Variants in CDK15 observed in about 807,000 individuals in gnomAD.
The protein encoded by CDK15 is cyclin dependent kinase 15.
CDK15 carries 62 observed loss-of-function variants against 60.3 expected under a neutral mutation model. That is an observed-to-expected ratio of 1.03 (90% CI 0.84 to 1.27). CDK15 has a LOEUF of 1.27. CDK15 is among the 50% of genes most tolerant of loss of function. The pLI is 0.00. For synonymous variants in CDK15, 194 were observed against 195.7 expected, an observed-to-expected ratio of 0.99 and a Z score of 0.07; for missense variants, 541 against 527.8, an observed-to-expected ratio of 1.03 and a Z score of -0.25.
intron 8 of CDK15, among the ~76,000 whole-genome samples, chr2:201,841,542 G>C (rs895463744): frequency 6.6e-6 from 1 of 152,144 alleles, no homozygotes; most frequent in Non-Finnish European, 1.5e-5. Flanking sequence ...AGTGAGAAGG[G>C]AGAAGATTTC....
chr2:201,876,403 G>T (rs1216513824), intron 11 of CDK15: 1 of 387,920 alleles, frequency 2.6e-6, no homozygotes, highest in African/African-American at 2.1e-5. Context: ...GCGATTACTG[G>T]GGCACTTGCC....
chr2:201,806,511 G>A (rs1480642849), upstream of CDK15: 1 of 798,868 alleles, frequency 1.3e-6, no homozygotes, highest in South Asian at 3.0e-5. Flanking sequence ...AGGAAAAACT[G>A]CTGAAGTTGT....
intron 8 of CDK15, among the ~76,000 whole-genome samples, chr2:201,836,768 C>T (rs1460352490): frequency 6.6e-6 from 1 of 150,408 alleles, no homozygotes; most frequent in African/African-American, 2.5e-5. Flanking sequence ...CATACTCACA[C>T]ATGTCCAAAC....
rs1272208057 is a variant in CDK15 at position 201,882,933 on chromosome 2, T to G, written c.1198+2766T>G. Among the ~76,000 whole-genome samples the G allele has an allele frequency of 6.6e-6, 1 of 152,162 alleles. No individual in the cohort carries two copies. Among genetic ancestry groups the G allele is most frequent in the African/African-American group, 2.4e-5 (1 of 41,434 alleles). Reference sequence around the variant, plus strand: ...TTTTCATTGCCCCTGGCAATGAGCCTTTATTAACAGCCTCCTTTGCAGACA... The same window carrying G: ...TTTTCATTGCCCCTGGCAATGAGCCGTTATTAACAGCCTCCTTTGCAGACA... On this transcript the variant is annotated intron_variant, in intron 12 of 13. Coordinates refer to ENST00000652192, the MANE Select transcript of CDK15 (RefSeq NM_001366386.2). The surrounding 1 kb of genome is among the most constrained non-coding windows in gnomAD (Gnocchi z 4.0).
intron 7 of CDK15, 141 bp from the exon 8 acceptor site, chr2:201,835,502 A>G: frequency 1.1e-6 from 1 of 935,370 alleles, no homozygotes; most frequent in East Asian, 3.0e-5. Flanking sequence ...GATAGACAAG[A>G]GTCAAGATAG....
intron 11 of CDK15, among the ~76,000 whole-genome samples, chr2:201,872,627 C>G (rs1698897585): frequency 6.6e-6 from 1 of 151,896 alleles, no homozygotes; most frequent in South Asian, 2.1e-4. Context: ...TTATTATTCT[C>G]TGACACAGAG....
intron 1 of CDK15, among the ~76,000 whole-genome samples, chr2:201,807,010 T>G (rs1017583694): frequency 7.2e-5 from 11 of 152,188 alleles, no homozygotes; most frequent in African/African-American, 2.4e-4. Context: ...TGCACGAAAC[T>G]CACTTGGCTT....
At chr2:201,869,099 A>G (rs1052412937) in intron 10 of CDK15, among the ~76,000 whole-genome samples, 3 of 152,238 alleles carry the variant, frequency 2.0e-5, no homozygotes, top group Non-Finnish European at 4.4e-5. Context: ...TTGTGACACT[A>G]TTCACAATAG....
rs542392513 is a variant in CDK15 at position 201,823,625 on chromosome 2, C to A, written c.544-40C>A. The A allele has an allele frequency of 5.2e-5, 81 of 1,572,410 alleles. No homozygotes were observed. The South Asian group carries it at 8.5e-4, about 17-fold the overall frequency. ...GCTTTAGGATGCTATCTAAGCACCA[C>A]TAAATTCACTCACTTCTCTTTCTCC... On this transcript the variant is annotated intron_variant, in intron 5 of 13. Transcript: ENST00000652192.
chr2:201,833,799 A>G, intron 6 of CDK15, 49 bp from the exon 7 acceptor site: 1 of 1,580,920 alleles, frequency 6.3e-7, no homozygotes, highest in Admixed American at 1.7e-5. Flanking sequence ...AGGCGAAATC[A>G]GCACGTGGTG....
At chr2:201,864,591 T>G (rs981089209) in intron 10 of CDK15, among the ~76,000 whole-genome samples, 4 of 152,180 alleles carry the variant, frequency 2.6e-5, no homozygotes, top group Non-Finnish European at 5.9e-5. Flanking sequence ...AGTGCTGGGA[T>G]TACAGGCATA....
intron 9 of CDK15, 120 bp from the exon 10 acceptor site, chr2:201,854,754 T>G: frequency 1.3e-6 from 1 of 765,378 alleles, no homozygotes; most frequent in Non-Finnish European, 2.2e-6. Context: ...TGTCATGCAA[T>G]GGGACATACA....
chr2:201,806,570 G>A lies in CDK15; in HGVS notation c.-95G>A, dbSNP rs769439122. 7.7e-5 allele frequency: 106 copies of A among 1,375,692 alleles called. 1 individual carries two copies. The highest frequency in any genetic ancestry group is 9.7e-5 in the Non-Finnish European group (101 of 1,044,580). 85.2% of individuals were successfully genotyped at this position (1,375,692 alleles called of 1,614,324 possible). On this transcript the variant is annotated 5_prime_UTR_variant, in exon 1 of 14. Transcript: ENST00000652192. Reference sequence around the variant, plus strand: ...CATGTGAGTCATATGAAAGCTCCACGCTGCTGACCTCTGGCAAAAAGGGAG... The same window carrying A: ...CATGTGAGTCATATGAAAGCTCCACACTGCTGACCTCTGGCAAAAAGGGAG...
chr2:201,847,514 A>C (rs1322209780), intron 9 of CDK15, 40 bp downstream of exon 9: 9 of 1,581,840 alleles, frequency 5.7e-6, no homozygotes, highest in Non-Finnish European at 7.8e-6. Flanking sequence ...AAATATCTGC[A>C]TTTTAAGTTT....
intron 12 of CDK15, chr2:201,888,372 T>C: frequency 6.7e-7 from 1 of 1,493,694 alleles, no homozygotes; most frequent in Non-Finnish European, 8.8e-7. Context: ...AAGTTTTAAA[T>C]AAACTTGTCC....
chr2:201,807,174 A>G (rs1011424739), intron 1 of CDK15, among the ~76,000 whole-genome samples: 1 of 152,180 alleles, frequency 6.6e-6, no homozygotes, highest in African/African-American at 2.4e-5. Flanking sequence ...TTATTCCCCT[A>G]CAGCAATAAA....
In CDK15 at chr2:201,881,493, G is replaced by A. The variant is rs191240675; in HGVS notation, c.1198+1326G>A. Among the ~76,000 whole-genome samples, 282 of 152,284 alleles carry A rather than the reference G, an allele frequency of 1.9e-3. 1 individual carries two copies. The highest frequency in any genetic ancestry group is 6.3e-3 in the African/African-American group (261 of 41,554). ...AAGAGGGTGAGGAAGAGGAAACGGG[G>A]CACCCTCGCACACATATCAGCACAC... On this transcript the variant is annotated intron_variant, in intron 12 of 13. Transcript: ENST00000652192.
intron 4 of CDK15, among the ~76,000 whole-genome samples, chr2:201,819,708 G>A (rs1696139042): frequency 6.6e-6 from 1 of 152,192 alleles, no homozygotes; most frequent in Admixed American, 6.5e-5. Flanking sequence ...GGAAGGTAAT[G>A]CCAATAGATT....
intron 8 of CDK15, among the ~76,000 whole-genome samples, chr2:201,840,686 T>G (rs1309569335): frequency 6.6e-6 from 1 of 152,248 alleles, no homozygotes; most frequent in Non-Finnish European, 1.5e-5. Context: ...AGTTATTTTC[T>G]CTCAGAACTT....
Sources: allele counts gnomAD v4.1 joint callset (sites outside exome capture counted in the v4.1 genomes callset), GRCh38; gene constraint gnomAD v4.1.1; non-coding constraint Gnocchi (gnomAD v3.1); transcripts MANE v1.5; gene names NCBI Gene and HGNC (gene_info 2026-07-23, HGNC 2026-07-21).